Variants in MVP observed in about 807,000 individuals in gnomAD.
MVP encodes lung resistance-related protein.
A neutral mutation model predicts 83.5 loss-of-function variants in MVP; 62 were observed. The ratio of observed to expected loss-of-function variants is 0.74; its 90% CI spans 0.61 to 0.92. The LOEUF is 0.92. Among genes scored for constraint, MVP ranks in the 40% least tolerant of loss-of-function variants. The probability of loss-of-function intolerance (pLI) is 0.00; values close to 1 mark genes in which losing one functional copy is unlikely to be tolerated. For synonymous variants in MVP, 505 were observed against 504.1 expected (o/e 1.00, Z -0.02); for missense variants, 1,000 against 1,203.4 (o/e 0.83, Z 2.50).
Position 29,824,833 on chromosome 16 carries a change from G to A in MVP, c.-36+4323G>A, listed in dbSNP as rs530083498. 7.9e-5 allele frequency among the ~76,000 whole-genome samples: 12 copies of A among 151,902 alleles called. No individual in the cohort carries two copies. In the South Asian group the frequency reaches 8.3e-4, roughly 11 times the overall value. ...TCTGGGAAGTAGTGACTCATGACTC[G>A]TTTATTTATTAAGTTTTGCTGTAGC... is the stretch of plus-strand genomic sequence containing the variant. On this transcript the variant is annotated intron_variant, in intron 1 of 14. Coordinates refer to ENST00000357402, the MANE Select transcript of MVP (RefSeq NM_005115.5).
intron 7 of MVP, among the ~76,000 whole-genome samples, chr16:29,839,454 A>T (rs1222303650): frequency 6.6e-6 from 1 of 152,086 alleles, no homozygotes; most frequent in Non-Finnish European, 1.5e-5. Flanking sequence ...AGATGGGAAA[A>T]TTTCATATGT....
chr16:29,843,546 AAGGGAGGGAGGG>A (rs1172850329), intron 10 of MVP, among the ~76,000 whole-genome samples: 7 of 9,364 alleles, frequency 7.5e-4, no homozygotes, highest in South Asian at 4.7e-3. Flanking sequence ...GGAAGGGAGG[AAGGGAGGGAGGG>A]AGGGAGGGAG....
chr16:29,824,766 G>A (rs1163636819), intron 1 of MVP, among the ~76,000 whole-genome samples: 1 of 152,114 alleles, frequency 6.6e-6, no homozygotes, highest in African/African-American at 2.4e-5. Context: ...AAACAAAAAA[G>A]AGATTCAGTA....
At chr16:29,842,600 C>T (rs1406598551) in intron 10 of MVP, among the ~76,000 whole-genome samples, 2 of 152,144 alleles carry the variant, frequency 1.3e-5, no homozygotes, top group Non-Finnish European at 2.9e-5. Flanking sequence ...CCACTGCACC[C>T]GGTCAACCCT....
chr16:29,847,829 T>A lies in MVP; in HGVS notation c.2522T>A (p.Leu841His). 1 of 1,614,142 alleles carries A rather than the reference T, an allele frequency of 6.2e-7. No homozygotes were observed. Among genetic ancestry groups the A allele is most frequent in the Non-Finnish European group, 8.5e-7 (1 of 1,180,012 alleles). ...ACCGATGGCTCCACTCCCATCAACC[T>A]CTTCAACACAGCCTTTGGGCTGCTG... is the stretch of plus-strand genomic sequence containing the variant. ...LITDGSTPIN[L>H]FNTAFGLLGM... Residue 841 changes from leucine (L) to histidine (H), a missense_variant, in exon 15 of 15, where the codon CTC becomes CAC. Transcript: ENST00000357402.
rs558207069 is a variant in MVP at position 29,827,024 on chromosome 16, G to T, written c.-35-3491G>T. Among the ~76,000 whole-genome samples, 4 of 152,074 alleles carry T rather than the reference G, an allele frequency of 2.6e-5. No homozygotes were observed. The East Asian group carries it at 7.7e-4, about 29-fold the overall frequency. Reference sequence around the variant, plus strand: ...CAGAGCCCCGTATTGTGGAGCAACTGGGGGGTGGAATCAAAGGTGAGCAGG... The same window carrying T: ...CAGAGCCCCGTATTGTGGAGCAACTTGGGGGTGGAATCAAAGGTGAGCAGG... On this transcript the variant is annotated intron_variant, in intron 1 of 14. Coordinates refer to ENST00000357402, the MANE Select transcript of MVP (RefSeq NM_005115.5).
intron 2 of MVP, 29 bp downstream of exon 2, chr16:29,830,703 T>A (rs2067434894): frequency 3.1e-6 from 5 of 1,610,510 alleles, no homozygotes; most frequent in Non-Finnish European, 4.2e-6. Flanking sequence ...CTGTGGGGGA[T>A]CCTTGGGGAT....
chr16:29,840,997 T>C (rs1167230871), intron 8 of MVP, among the ~76,000 whole-genome samples: 1 of 151,998 alleles, frequency 6.6e-6, no homozygotes, highest in Non-Finnish European at 1.5e-5. Context: ...AGGGACCCTT[T>C]CCCACAGCAG....
At chr16:29,836,252 A>C (rs1567391698) in intron 6 of MVP, among the ~76,000 whole-genome samples, 1 of 136,052 alleles carries the variant, frequency 7.4e-6, no homozygotes, top group Non-Finnish European at 1.6e-5. Context: ...TGGGCAACAG[A>C]GCGAAACCCT....
chr16:29,847,213 G>T lies in MVP; in HGVS notation c.2282G>T (p.Arg761Met). 6.2e-7 allele frequency: 1 copy of T among 1,613,436 alleles called. No individual in the cohort carries two copies. The highest frequency in any genetic ancestry group is 8.5e-7 in the Non-Finnish European group (1 of 1,179,976). Residue 761 changes from arginine to methionine, a missense_variant, in exon 14 of 15, where the codon AGG becomes ATG. Arg to Met is a moderately conservative substitution (Grantham distance 91). Coordinates refer to ENST00000357402, the MANE Select transcript of MVP (RefSeq NM_005115.5). ...CTCTTCCAGGAGGCTGAGCTCCAGAGGGTCCAGAAGGTCCGAGAGCTGGAA... is the reference window on the plus strand; with the variant it reads ...CTCTTCCAGGAGGCTGAGCTCCAGATGGTCCAGAAGGTCCGAGAGCTGGAA... ...LAIETEAELQRVQKVRELELV... is the reference protein window; with the variant it reads ...LAIETEAELQMVQKVRELELV...
Position 29,836,883 on chromosome 16 carries a change from C to T in MVP, c.834C>T (p.Pro278=), listed in dbSNP as rs142412184. Residue 278 remains proline (P), a synonymous_variant, in exon 7 of 15, where the codon CCC becomes CCT. Coordinates refer to ENST00000357402, the MANE Select transcript of MVP (RefSeq NM_005115.5). ...LGVVPITTLG[P]HNYCVILDPV... ...TTGTGCCCATCACCACCCTGGGCCC[C>T]CACAACTACTGCGTGATTCTCGACC... The T allele has an allele frequency of 9.9e-6, 16 of 1,613,942 alleles. No individual in the cohort carries two copies. The highest frequency in any genetic ancestry group is 1.3e-5 in the Non-Finnish European group (15 of 1,180,004).
intron 1 of MVP, among the ~76,000 whole-genome samples, chr16:29,827,636 G>A (rs1169970377): frequency 6.6e-6 from 1 of 152,166 alleles, no homozygotes; most frequent in Non-Finnish European, 1.5e-5. Context: ...AAAATTAGCT[G>A]GGTACGGTAG....
rs766972215 is a variant in MVP, at chr16:29,847,867, G to C, written c.2560G>C (p.Glu854Gln). The change falls in exon 15 of 15, where the codon GAG (glutamate) becomes CAG (glutamine). Residue 854 changes from glutamate (E) to glutamine (Q), a missense_variant. Transcript: ENST00000357402. The part of the protein sequence containing the change: ...TAFGLLGMGP[E>Q]GQPLGRRVAS... The stretch of plus-strand genomic sequence containing the variant: ...CTTTGGGCTGCTGGGGATGGGGCCC[G>C]AGGGTCAGCCCCTGGGCAGAAGGGT... 6 of 1,614,182 alleles carry C rather than the reference G, an allele frequency of 3.7e-6. No homozygotes were observed. Among genetic ancestry groups the C allele is most frequent in the South Asian group, 1.1e-5 (1 of 91,090 alleles).
At position 29,838,610 on chromosome 16, in the gene MVP, T is replaced by G. The variant is rs200551364; in HGVS notation, c.910-1568T>G. Among the ~76,000 whole-genome samples the G allele has an allele frequency of 7.2e-5, 11 of 152,224 alleles. No homozygotes were observed. The East Asian group carries it at 2.1e-3, about 29-fold the overall frequency. On this transcript the variant is annotated intron_variant, in intron 7 of 14. Coordinates refer to ENST00000357402, the MANE Select transcript of MVP (RefSeq NM_005115.5). ...TGGGAGGCCGAGGCAGGAGGATTGC[T>G]TGAAGCCAGGAGTTTGAGACCAGCC...
At chr16:29,846,936 G>T (rs1204702034) in intron 13 of MVP, among the ~76,000 whole-genome samples, 1 of 152,094 alleles carries the variant, frequency 6.6e-6, no homozygotes, top group Non-Finnish European at 1.5e-5. Flanking sequence ...CCAGCACTTT[G>T]GAAAGCTGAG....
Position 29,834,866 on chromosome 16 carries a change from T to C in MVP, c.577+800T>C, listed in dbSNP as rs1259816060. On this transcript the variant is annotated intron_variant, in intron 5 of 14. Transcript: ENST00000357402. ...ATGCCCAGCTAATTTTTTTTTTTTT[T>C]GTATTTTTTTTTTTTTTTTTTTTAG... 6 of 125,680 alleles carry C rather than the reference T, an allele frequency of 4.8e-5. No homozygotes were observed. The East Asian group carries it at 1.5e-3, about 31-fold the overall frequency. 7.8% of individuals were successfully genotyped at this position (125,680 alleles called of 1,614,324 possible). A position where few individuals can be genotyped will look rare whatever the true frequency, so the allele number is the denominator to read the frequency against.
At chr16:29,846,103 C>G (rs2067582747) in intron 12 of MVP, 55 bp from the exon 13 acceptor site, 3 of 1,600,452 alleles carry the variant, frequency 1.9e-6, no homozygotes, top group Admixed American at 3.4e-5. Context: ...TAAGCCAAGG[C>G]CGTGGGGGGA....
chr16:29,830,327 A>T (rs1409096942), intron 1 of MVP, 188 bp from the exon 2 acceptor site: 4 of 489,514 alleles, frequency 8.2e-6, no homozygotes, highest in Non-Finnish European at 1.5e-5. Context: ...TAAGGTCAGG[A>T]TGGGCTGTGT....
At chr16:29,837,060 A>C (rs2067493961) in intron 7 of MVP, 102 bp downstream of exon 7, 1 of 1,071,348 alleles carries the variant, frequency 9.3e-7, no homozygotes, top group Non-Finnish European at 1.3e-6. Flanking sequence ...CGTTCTAGGA[A>C]CACCTTCTGT....
Sources: gnomAD v4.1 joint callset for allele counts (sites outside exome capture counted in the v4.1 genomes callset) on GRCh38, gnomAD v4.1.1 for gene constraint, MANE v1.5 for transcripts, NCBI Gene and HGNC (gene_info 2026-07-23, HGNC 2026-07-21) for gene names.